VNN2: variants seen among roughly 807,000 people sequenced by gnomAD.
The protein encoded by VNN2 is vanin 2, also known as pantetheine hydrolase VNN2.
Under a neutral mutation model 43.0 loss-of-function variants are expected in VNN2, and 43 were observed. That is an observed-to-expected ratio of 1.00 (90% CI 0.78 to 1.29). The LOEUF is 1.29. VNN2 is among the 50% of genes most tolerant of loss of function. The pLI, the probability that VNN2 is intolerant of heterozygous loss-of-function variation, is 0.00. For missense variants in VNN2, 652 were observed against 619.7 expected (o/e 1.05, Z -0.55); for synonymous variants, 230 against 224.3 (o/e 1.03, Z -0.23).
intron 1 of VNN2, among the ~76,000 whole-genome samples, chr6:132,763,057 TA>T (rs1780774013): frequency 6.6e-6 from 1 of 152,104 alleles, no homozygotes; most frequent in African/African-American, 2.4e-5. Context: ...TTTAAAAAAT[TA>T]AAAATTCTCT....
Position 132,751,090 on chromosome 6 carries a change from G to A in VNN2, c.1200+55C>T, listed in dbSNP as rs12386543. The A allele has an allele frequency of 1.2e-3, 1,873 of 1,524,120 alleles. 23 individuals are homozygous for A. The African/African-American group carries it at 0.022, about 18-fold the overall frequency. The allele number at this position is 1,524,120 out of a possible 1,614,324, so 94.4% of individuals were successfully genotyped here. Reference sequence around the variant, plus strand: ...TGGTTTTCTGGAACAAATATAAAAAGTTAACCTGGAATTTACCTTTCACTT... The same window carrying A: ...TGGTTTTCTGGAACAAATATAAAAAATTAACCTGGAATTTACCTTTCACTT... On this transcript the variant is annotated intron_variant, in intron 5 of 6. Transcript: ENST00000326499.
At chr6:132,757,060 C>G (rs1474210623) in intron 2 of VNN2, among the ~76,000 whole-genome samples, 1 of 152,154 alleles carries the variant, frequency 6.6e-6, no homozygotes, top group Non-Finnish European at 1.5e-5. Flanking sequence ...TGGAGAGACT[C>G]TATAACATTG....
At chr6:132,762,016 T>G (rs932189084), upstream of VNN2, among the ~76,000 whole-genome samples, 2 of 152,214 alleles carry the variant, frequency 1.3e-5, no homozygotes, top group Admixed American at 1.3e-4. Context: ...ATTATTTCAT[T>G]GTTAGGCCCA....
upstream of VNN2, chr6:132,758,036 CTT>C: frequency 1.5e-5 from 1 of 68,908 alleles, no homozygotes; most frequent in Non-Finnish European, 2.4e-5. Flanking sequence ...TCTTCTTCTT[CTT>C]CTTTTTTTTT....
chr6:132,752,914 G>A (rs943861611), intron 3 of VNN2, 165 bp from the exon 4 acceptor site: 4 of 672,926 alleles, frequency 5.9e-6, no homozygotes, highest in Non-Finnish European at 9.8e-6. Flanking sequence ...AGGAAAATGT[G>A]GAGGAATATG....
In VNN2 at chr6:132,755,974, CATAG is replaced by C. The variant is rs1562251196; in HGVS notation, c.402_405del (p.Ile134MetfsTer63). 2.5e-6 allele frequency: 4 copies of C among 1,614,182 alleles called. No homozygotes were observed. The highest frequency in any genetic ancestry group is 3.4e-6 in the Non-Finnish European group (4 of 1,180,024). ...TTTTTGTCCCCCAAATTTGCCAAGA[CATAG>C]ATAGAGTTGTCCTTGGCCAGGCAGC... is the stretch of plus-strand genomic sequence containing the variant. On this transcript the variant is annotated frameshift_variant, in exon 3 of 7. Coordinates refer to ENST00000326499, the MANE Select transcript of VNN2 (RefSeq NM_004665.6). LOFTEE classifies it high-confidence loss of function.
At chr6:132,762,370 C>A (rs1232701467), upstream of VNN2, among the ~76,000 whole-genome samples, 1 of 152,086 alleles carries the variant, frequency 6.6e-6, no homozygotes, top group East Asian at 1.9e-4. Context: ...AAGGGTGACA[C>A]GTCAAAATAA....
At chr6:132,746,176 A>G (rs1046848799) in intron 6 of VNN2, among the ~76,000 whole-genome samples, 1 of 152,232 alleles carries the variant, frequency 6.6e-6, no homozygotes, top group Non-Finnish European at 1.5e-5. Context: ...TGCTTCTGAC[A>G]ATACACCAGA....
chr6:132,761,899 C>G (rs1318751713), upstream of VNN2, among the ~76,000 whole-genome samples: 1 of 152,176 alleles, frequency 6.6e-6, no homozygotes, highest in African/African-American at 2.4e-5. Context: ...CATACCTGCT[C>G]TATCTCCTAA....
Position 132,744,930 on chromosome 6 carries a change from C to A in VNN2, c.1372-439G>T, listed in dbSNP as rs1358485448. Among the ~76,000 whole-genome samples, 8 of 149,412 alleles carry A rather than the reference C, an allele frequency of 5.4e-5. No homozygotes were observed. In the East Asian group the frequency reaches 1.2e-3, roughly 22 times the overall value. ...GCTAGGAGGTCTGAGAAAAAAAAAA[C>A]TGAACTGGTCTGTTTCACGGAGTGG... is the stretch of plus-strand genomic sequence containing the variant. On this transcript the variant is annotated intron_variant, in intron 6 of 6. Coordinates refer to ENST00000326499, the MANE Select transcript of VNN2 (RefSeq NM_004665.6).
upstream of VNN2, chr6:132,760,831 A>G (rs1402223153): frequency 6.6e-6 from 1 of 152,182 alleles, no homozygotes; most frequent in East Asian, 1.9e-4. Context: ...GATGTTGATC[A>G]GAGTTTTGGA....
intron 5 of VNN2, among the ~76,000 whole-genome samples, chr6:132,750,862 G>T (rs1780029012): frequency 1.3e-5 from 2 of 152,058 alleles, no homozygotes; most frequent in Non-Finnish European, 2.9e-5. Context: ...ACAGTAGGCT[G>T]GTTTATTAGT....
At chr6:132,746,238 T>A (rs1307722219) in intron 6 of VNN2, among the ~76,000 whole-genome samples, 1 of 152,186 alleles carries the variant, frequency 6.6e-6, no homozygotes, top group Non-Finnish European at 1.5e-5. Flanking sequence ...GCATGGTGAG[T>A]AACACCACCC....
upstream of VNN2, among the ~76,000 whole-genome samples, chr6:132,762,149 C>T (rs571311646): frequency 3.3e-5 from 5 of 152,192 alleles, no homozygotes; most frequent in African/African-American, 7.2e-5. Flanking sequence ...CTAAACCCAG[C>T]GTGGTAGAAA....
At chr6:132,752,235 T>A (rs1442545079) in intron 4 of VNN2, among the ~76,000 whole-genome samples, 1 of 152,206 alleles carries the variant, frequency 6.6e-6, no homozygotes, top group African/African-American at 2.4e-5. Flanking sequence ...GGGATGACAC[T>A]ATCTATCTCA....
chr6:132,761,430 C>T (rs549306907), upstream of VNN2, among the ~76,000 whole-genome samples: 1 of 151,248 alleles, frequency 6.6e-6, no homozygotes, highest in Non-Finnish European at 1.5e-5. Context: ...GAGGCCGAGG[C>T]GGGCGAATTA....
chr6:132,759,438 C>CAAAAAAAAAAAA (rs58195059), upstream of VNN2, among the ~76,000 whole-genome samples: 44 of 69,092 alleles, frequency 6.4e-4, no homozygotes, highest in South Asian at 1.8e-3. Context: ...AACTCCGTCT[C>CAAAAAAAAAAAA]AAAAAAAAAA....
intron 2 of VNN2, among the ~76,000 whole-genome samples, chr6:132,756,317 C>T (rs577615105): frequency 1.4e-4 from 21 of 152,300 alleles, no homozygotes; most frequent in African/African-American, 5.1e-4. Context: ...TCTAGTACCT[C>T]CCATCTTTAA....
intron 6 of VNN2, among the ~76,000 whole-genome samples, chr6:132,748,512 C>T (rs888677421): frequency 6.6e-6 from 1 of 152,152 alleles, no homozygotes; most frequent in African/African-American, 2.4e-5. Flanking sequence ...TAAAGACTTC[C>T]TTACTTGATG....
Sources: gnomAD v4.1 joint callset for allele counts (sites outside exome capture counted in the v4.1 genomes callset) on GRCh38, gnomAD v4.1.1 for gene constraint, MANE v1.5 for transcripts, NCBI Gene and HGNC (gene_info 2026-07-23, HGNC 2026-07-21) for gene names.